ARHGAP11B: variants seen among roughly 807,000 people sequenced by gnomAD.
The protein encoded by ARHGAP11B is inactive Rho GTPase-activating protein 11B.
In ARHGAP11B, 14 loss-of-function variants were observed where a neutral mutation model predicts 27.6. The observed-to-expected ratio is 0.51, with a 90% CI of 0.34 to 0.79. The LOEUF (loss-of-function observed/expected upper bound fraction) is 0.79. Ranked by LOEUF, ARHGAP11B falls within the 30% of genes least tolerant of loss-of-function variation. ARHGAP11B has a pLI of 0.02. For missense variants in ARHGAP11B, 245 were observed against 320.1 expected (o/e 0.77, Z 1.79); for synonymous variants, 82 against 114.1 (o/e 0.72, Z 1.80).
chr15:30,639,145 C>G (rs1343094991), intron 7 of ARHGAP11B, among the ~76,000 whole-genome samples: 2 of 152,112 alleles, frequency 1.3e-5, no homozygotes, highest in African/African-American at 2.4e-5. Flanking sequence ...ACTAGAAGTT[C>G]ATTATTGTAT....
intron 1 of ARHGAP11B, among the ~76,000 whole-genome samples, chr15:30,627,739 T>A (rs893709733): frequency 1.3e-5 from 2 of 152,038 alleles, no homozygotes; most frequent in African/African-American, 4.8e-5. Context: ...ATTTTAAATT[T>A]ATGTGCCTAA....
At position 30,641,817 on chromosome 15, in the gene ARHGAP11B, A is replaced by G. The variant is rs547741644; in HGVS notation, c.*79-2822A>G. ...CTACAACATCCACCTCCGATGTTCA[A>G]GTGATTCTTGTGCCTCAGCCTCCTG... On this transcript the variant is annotated intron_variant, in intron 7 of 10. Coordinates refer to ENST00000428041, the Ensembl canonical transcript of ARHGAP11B. Among the ~76,000 whole-genome samples the G allele has an allele frequency of 1.4e-3, 211 of 151,866 alleles. 2 individuals carry two copies. Among genetic ancestry groups the G allele is most frequent in the African/African-American group, 4.9e-3 (202 of 41,442 alleles).
intron 7 of ARHGAP11B, among the ~76,000 whole-genome samples, chr15:30,640,784 C>T (rs1351725863): frequency 6.6e-6 from 1 of 151,970 alleles, no homozygotes; most frequent in Non-Finnish European, 1.5e-5. Flanking sequence ...AAAACACTTC[C>T]TCACAGGTTC....
At chr15:30,637,217 A>C (rs927228265) in intron 6 of ARHGAP11B, among the ~76,000 whole-genome samples, 2 of 151,640 alleles carry the variant, frequency 1.3e-5, no homozygotes, top group African/African-American at 4.8e-5. Flanking sequence ...ACCTCATCAC[A>C]TCTGCTTTTC....
rs148518598 is a variant in ARHGAP11B, at chr15:30,649,103, C to T, written c.*1171C>T. 7.4e-4 allele frequency: 112 copies of T among 152,056 alleles called. 1 individual carries two copies. The highest frequency in any genetic ancestry group is 2.5e-3 in the African/African-American group (104 of 41,508). The allele number at this position is 152,056 out of a possible 1,614,324, so 9.4% of individuals were successfully genotyped here. ...GTACAGTCATCCCTCTGTATCAGCC[C>T]GGAGATTGGTTCTAGTATCCCCTTG... On this transcript the variant is annotated 3_prime_UTR_variant, in exon 11 of 11. Transcript: ENST00000428041.
chr15:30,638,423 C>T (rs902823889), intron 6 of ARHGAP11B, among the ~76,000 whole-genome samples: 1 of 151,598 alleles, frequency 6.6e-6, no homozygotes, highest in Non-Finnish European at 1.5e-5. Flanking sequence ...ATGGTTCTTG[C>T]CTCAGTTCAG....
chr15:30,642,353 G>A (rs2060320771), intron 7 of ARHGAP11B, among the ~76,000 whole-genome samples: 1 of 151,812 alleles, frequency 6.6e-6, no homozygotes, highest in Non-Finnish European at 1.5e-5. Flanking sequence ...AATATAAATG[G>A]TGTTAAATAA....
At chr15:30,644,753 C>T (rs972676166) in intron 8 of ARHGAP11B, 23 of 1,301,546 alleles carry the variant, frequency 1.8e-5, no homozygotes, top group South Asian at 1.1e-4. Flanking sequence ...TATACAGATA[C>T]GAATATGAAA....
chr15:30,644,499 T>A, intron 7 of ARHGAP11B: 1 of 528,914 alleles, frequency 1.9e-6, no homozygotes, highest in Non-Finnish European at 3.4e-6. Flanking sequence ...TGAAAAGGCA[T>A]CGTTCTTATT....
At chr15:30,642,207 T>C (rs1238717119) in intron 7 of ARHGAP11B, among the ~76,000 whole-genome samples, 2 of 152,026 alleles carry the variant, frequency 1.3e-5, no homozygotes, top group Admixed American at 1.3e-4. Context: ...GAATTCTTTA[T>C]TAATAACTCA....
chr15:30,630,268 T>C (rs2060235975), intron 1 of ARHGAP11B, among the ~76,000 whole-genome samples: 1 of 152,090 alleles, frequency 6.6e-6, no homozygotes, highest in African/African-American at 2.4e-5. Flanking sequence ...TTCAATTGAC[T>C]TAGTCTTTTG....
At chr15:30,632,408 A>C (rs896167631) in intron 2 of ARHGAP11B, among the ~76,000 whole-genome samples, 3 of 150,908 alleles carry the variant, frequency 2.0e-5, no homozygotes, top group Non-Finnish European at 4.4e-5. Flanking sequence ...AGAGCGAGAC[A>C]CTGTCTCAAA....
chr15:30,627,506 A>G (rs1355650123), intron 1 of ARHGAP11B, among the ~76,000 whole-genome samples: 2 of 152,170 alleles, frequency 1.3e-5, no homozygotes, highest in East Asian at 3.9e-4. Flanking sequence ...TGATGACTGC[A>G]TATTCACTAA....
At chr15:30,646,645 A>T (rs1394428813) in intron 9 of ARHGAP11B, among the ~76,000 whole-genome samples, 1 of 150,342 alleles carries the variant, frequency 6.7e-6, no homozygotes, top group Admixed American at 6.7e-5. Flanking sequence ...CCTGGGCGAC[A>T]GCGAGACTCC....
At chr15:30,638,862 A>G (rs535118550) in intron 7 of ARHGAP11B, 52 bp downstream of exon 7, 12 of 1,033,622 alleles carry the variant, frequency 1.2e-5, no homozygotes, top group South Asian at 9.6e-5. Context: ...TAAAATTTGT[A>G]TAGTATTCTA....
rs746073192 is a variant in ARHGAP11B, at chr15:30,634,322, G to C, written c.450G>C (p.Glu150Asp). Reference sequence around the variant, plus strand: ...TGAAAGCTCAACAGTTAGGCACAGAGGAAAAGAATAAAGCTATACTGTTGC... The same window carrying C: ...TGAAAGCTCAACAGTTAGGCACAGACGAAAAGAATAAAGCTATACTGTTGC... The change falls in exon 4 of 11, where the codon GAG (glutamate) becomes GAC (aspartate). Residue 150 changes from glutamate (E) to aspartate (D), a missense_variant. This residue lies in a region of ARHGAP11B where 129 missense variants were observed against 159.9 expected (regional missense o/e 0.81). Coordinates refer to ENST00000428041, the Ensembl canonical transcript of ARHGAP11B. 4.3e-6 allele frequency: 7 copies of C among 1,613,442 alleles called. No homozygotes were observed. In the South Asian group the frequency reaches 7.7e-5, roughly 18 times the overall value.
At chr15:30,626,879 G>T in exon 1 of ARHGAP11B, 1 of 1,613,604 alleles carries the variant, frequency 6.2e-7, no homozygotes, top group South Asian at 1.1e-5. Context: ...GCCTTCTATG[G>T]TATTAAGGTG....
intron 6 of ARHGAP11B, among the ~76,000 whole-genome samples, chr15:30,636,737 C>T (rs1226041474): frequency 6.6e-6 from 1 of 152,086 alleles, no homozygotes; most frequent in Non-Finnish European, 1.5e-5. Context: ...GGGGAGAATC[C>T]TTTCTTGCCT....
intron 2 of ARHGAP11B, 135 bp downstream of exon 2, chr15:30,630,908 T>C (rs1278438012): frequency 1.3e-5 from 19 of 1,487,460 alleles, no homozygotes; most frequent in Non-Finnish European, 1.7e-5. Context: ...GGTGAGACCT[T>C]GTCGCAAAAG....
Sources: gnomAD v4.1 joint callset for allele counts (sites outside exome capture counted in the v4.1 genomes callset) on GRCh38, gnomAD v4.1.1 for gene constraint, gnomAD v4.1.1 regional missense constraint, MANE v1.5 for transcripts, NCBI Gene and HGNC (gene_info 2026-07-23, HGNC 2026-07-21) for gene names.